STX8: variants seen among roughly 807,000 people sequenced by gnomAD.
The protein encoded by STX8 is syntaxin-8.
STX8 carries 23 observed loss-of-function variants against 37.5 expected under a neutral mutation model. The observed-to-expected ratio is 0.61, with a 90% CI of 0.44 to 0.87. The LOEUF (loss-of-function observed/expected upper bound fraction) is 0.87. Ranked by LOEUF, STX8 falls within the 40% of genes least tolerant of loss-of-function variation. STX8 has a pLI of 0.00. For missense variants in STX8, 313 were observed against 284.7 expected, an observed-to-expected ratio of 1.10 and a Z score of -0.71; for synonymous variants, 115 against 99.1, an observed-to-expected ratio of 1.16 and a Z score of -0.95.
chr17:9,563,152 C>CACTT (rs1907313569), intron 2 of STX8, among the ~76,000 whole-genome samples: 1 of 142,012 alleles, frequency 7.0e-6, no homozygotes, highest in Non-Finnish European at 1.5e-5. Context: ...TTCATTCATC[C>CACTT]ATTTATTTAT....
In STX8 at chr17:9,402,128, A is replaced by AT. The variant is rs1491460589; in HGVS notation, c.542-23476dup. Among the ~76,000 whole-genome samples, 8 of 136,746 alleles carry AT rather than the reference A, an allele frequency of 5.9e-5. No homozygotes were observed. The East Asian group carries it at 1.1e-3, about 19-fold the overall frequency. 89.7% of individuals were successfully genotyped at this position (136,746 alleles called of 152,430 possible). Reference sequence around the variant, plus strand: ...TTTATTTATTTATTTATTTATTATTATTTGTTTTTAGACAGCGTTTTGCTC... The same window carrying AT: ...TTTATTTATTTATTTATTTATTATTATTTTGTTTTTAGACAGCGTTTTGCTC... On this transcript the variant is annotated intron_variant, in intron 6 of 7. Coordinates refer to ENST00000306357, the MANE Select transcript of STX8 (RefSeq NM_004853.3).
At chr17:9,548,071 G>C (rs141680272) in intron 3 of STX8, among the ~76,000 whole-genome samples, 5,572 of 151,658 alleles carry the variant, frequency 0.037, 353 homozygotes, top group African/African-American at 0.13. Flanking sequence ...ACAAGCATGA[G>C]CCACTTCACC....
intron 6 of STX8, among the ~76,000 whole-genome samples, chr17:9,473,622 A>G (rs1211308866): frequency 6.6e-6 from 1 of 152,202 alleles, no homozygotes; most frequent in Non-Finnish European, 1.5e-5. Context: ...GTGACAAGAA[A>G]AAAGTCTGCA....
At chr17:9,525,351 CT>C (rs35824131) in intron 4 of STX8, among the ~76,000 whole-genome samples, 275 of 143,576 alleles carry the variant, frequency 1.9e-3, no homozygotes, top group Middle Eastern at 7.3e-3. Context: ...TTTCTCTTTT[CT>C]TTTTTTTTTT....
chr17:9,383,467 C>CT (rs1321083866), intron 6 of STX8, among the ~76,000 whole-genome samples: 1 of 152,168 alleles, frequency 6.6e-6, no homozygotes, highest in Admixed American at 6.5e-5. Context: ...CGAAAGGGAA[C>CT]TTCTTCAGCC....
At chr17:9,420,272 G>T (rs1271628285) in intron 6 of STX8, among the ~76,000 whole-genome samples, 1 of 152,132 alleles carries the variant, frequency 6.6e-6, no homozygotes, top group Admixed American at 6.5e-5. Flanking sequence ...CACAGCAGCG[G>T]CCCTGAACCT....
intron 4 of STX8, among the ~76,000 whole-genome samples, chr17:9,533,469 CA>C (rs1455188567): frequency 6.6e-6 from 1 of 152,026 alleles, no homozygotes; most frequent in African/African-American, 2.4e-5. Flanking sequence ...CATCTCGAAA[CA>C]AAACAAAACA....
intron 7 of STX8, among the ~76,000 whole-genome samples, chr17:9,255,727 AAC>A (rs1228342967): frequency 6.6e-6 from 1 of 151,886 alleles, no homozygotes; most frequent in African/African-American, 2.4e-5. Flanking sequence ...TTTCAGAGCA[AAC>A]AGGGGGAGAC....
chr17:9,537,139 T>C (rs1906092167), intron 4 of STX8, among the ~76,000 whole-genome samples: 1 of 152,210 alleles, frequency 6.6e-6, no homozygotes, highest in South Asian at 2.1e-4. Flanking sequence ...TTCTAATCGT[T>C]GCTCAAGAAG....
At chr17:9,566,553 G>A (rs754814276) in intron 2 of STX8, among the ~76,000 whole-genome samples, 59 of 152,318 alleles carry the variant, frequency 3.9e-4, no homozygotes, top group African/African-American at 8.7e-4. Flanking sequence ...TCGGGAGGCC[G>A]AGGTGGGTGG....
intron 6 of STX8, among the ~76,000 whole-genome samples, chr17:9,388,515 T>C (rs938942317): frequency 1.3e-5 from 2 of 151,382 alleles, no homozygotes; most frequent in Non-Finnish European, 2.9e-5. Context: ...CATAAACATA[T>C]ACATTTTTTC....
At chr17:9,524,813 GTT>G (rs11403311) in intron 4 of STX8, among the ~76,000 whole-genome samples, 1 of 145,176 alleles carries the variant, frequency 6.9e-6, no homozygotes, top group African/African-American at 2.5e-5. Flanking sequence ...GTCTCACTCT[GTT>G]TTTTTTTTTT....
intron 7 of STX8, among the ~76,000 whole-genome samples, chr17:9,368,653 CCTTTT>C (rs1316891314): frequency 8.5e-5 from 13 of 152,194 alleles, no homozygotes; most frequent in Admixed American, 8.5e-4. Context: ...TCTCTCTCCT[CCTTTT>C]CTTTCCGTCC....
chr17:9,524,849 C>T (rs1482207121), intron 4 of STX8, among the ~76,000 whole-genome samples: 1 of 151,422 alleles, frequency 6.6e-6, no homozygotes, highest in African/African-American at 2.4e-5. Context: ...ACTCTGTCAC[C>T]CAGGCTGGAG....
At chr17:9,352,587 C>G (rs1910744541) in intron 7 of STX8, among the ~76,000 whole-genome samples, 2 of 151,574 alleles carry the variant, frequency 1.3e-5, no homozygotes, top group South Asian at 4.2e-4. Context: ...CCTGCCTCAG[C>G]CTCCCGGGTT....
At chr17:9,502,293 A>C (rs1416279901) in intron 5 of STX8, among the ~76,000 whole-genome samples, 1 of 152,160 alleles carries the variant, frequency 6.6e-6, no homozygotes, top group East Asian at 1.9e-4. Flanking sequence ...GTGGTTACCC[A>C]GCCCTGGGGT....
Position 9,507,616 on chromosome 17 carries a change from G to C in STX8, c.324-2454C>G, listed in dbSNP as rs73973793. Reference sequence around the variant, plus strand: ...ACTCCCAGACTGGCCAAGCAACCAAGCAACTGTGCCCTCAGCCAGAGTAAG... The same window carrying C: ...ACTCCCAGACTGGCCAAGCAACCAACCAACTGTGCCCTCAGCCAGAGTAAG... On this transcript the variant is annotated intron_variant, in intron 4 of 7. Coordinates refer to ENST00000306357, the MANE Select transcript of STX8 (RefSeq NM_004853.3). The surrounding 1 kb of genome is among the most constrained non-coding windows in gnomAD (Gnocchi z 4.0). Among the ~76,000 whole-genome samples the C allele has an allele frequency of 0.024, 3,703 of 152,250 alleles. 151 individuals are homozygous for C. The highest frequency in any genetic ancestry group is 0.084 in the African/African-American group (3,506 of 41,526).
chr17:9,470,840 C>A (rs1185454951), intron 6 of STX8, among the ~76,000 whole-genome samples: 1 of 151,714 alleles, frequency 6.6e-6, no homozygotes, highest in African/African-American at 2.4e-5. Flanking sequence ...CATTCTCCTG[C>A]CTCAGCCTCC....
chr17:9,563,463 C>T (rs1235879409), intron 2 of STX8, among the ~76,000 whole-genome samples: 3 of 152,032 alleles, frequency 2.0e-5, no homozygotes, highest in Non-Finnish European at 2.9e-5. Flanking sequence ...GGATTACAGG[C>T]GTGAGTCACC....
Sources: gnomAD v4.1 joint callset for allele counts (sites outside exome capture counted in the v4.1 genomes callset) on GRCh38, gnomAD v4.1.1 for gene constraint, Gnocchi (gnomAD v3.1) non-coding constraint, MANE v1.5 for transcripts, NCBI Gene and HGNC (gene_info 2026-07-23, HGNC 2026-07-21) for gene names.